NPL: variants seen among roughly 807,000 people sequenced by gnomAD.
The protein encoded by NPL is N-acetylneuraminate pyruvate lyase.
A neutral mutation model predicts 41.1 loss-of-function variants in NPL; 32 were observed. That is an observed-to-expected ratio of 0.78 (90% CI 0.59 to 1.05). The LOEUF (loss-of-function observed/expected upper bound fraction) is 1.05. NPL is among the 50% of genes least tolerant of loss of function. The pLI is 0.00. For missense variants in NPL, 321 were observed against 378.4 expected, an observed-to-expected ratio of 0.85 and a Z score of 1.26; for synonymous variants, 128 against 134.9, an observed-to-expected ratio of 0.95 and a Z score of 0.35.
Position 182,828,988 on chromosome 1 carries a change from G to C in NPL, c.*80G>C. The C allele has an allele frequency of 6.2e-7, 1 of 1,601,252 alleles. No homozygotes were observed. Among genetic ancestry groups the C allele is most frequent in the Non-Finnish European group, 8.5e-7 (1 of 1,178,282 alleles). ...TGCATTTTTTTCTCAGGGAATTTTAGATGAACTTGAATAAACTCTCCTAGC... is the reference window on the plus strand; with the variant it reads ...TGCATTTTTTTCTCAGGGAATTTTACATGAACTTGAATAAACTCTCCTAGC... On this transcript the variant is annotated 3_prime_UTR_variant, in exon 13 of 13. Transcript: ENST00000367553. The surrounding 1 kb of genome is among the most constrained non-coding windows in gnomAD (Gnocchi z 4.0).
In NPL at chr1:182,800,201, C is replaced by T. The variant is rs143710946; in HGVS notation, c.69-3497C>T. ...CTGTAATTCCAGCACTTTGGGAGGC[C>T]GAGGCAGGCAGATTGCTTGAGCCCA... On this transcript the variant is annotated intron_variant, in intron 3 of 12. Coordinates refer to ENST00000367553, the MANE Select transcript of NPL (RefSeq NM_030769.3). Among the ~76,000 whole-genome samples the T allele has an allele frequency of 4.5e-3, 689 of 151,854 alleles. 7 individuals carry two copies. Among genetic ancestry groups the T allele is most frequent in the African/African-American group, 0.016 (660 of 41,402 alleles).
chr1:182,794,182 A>G (rs970509079), intron 2 of NPL, among the ~76,000 whole-genome samples, 174 bp from the exon 3 acceptor site: 3 of 152,202 alleles, frequency 2.0e-5, no homozygotes, highest in African/African-American at 7.2e-5. Context: ...CCTGTCTTAA[A>G]GTTTCCTCCT....
chr1:182,805,760 C>T (rs190727940), intron 4 of NPL, among the ~76,000 whole-genome samples: 1 of 152,216 alleles, frequency 6.6e-6, no homozygotes, highest in East Asian at 1.9e-4. Flanking sequence ...CAAAAGCACC[C>T]GCATGAGTAA....
intron 12 of NPL, chr1:182,826,735 TA>T (rs1273490515): frequency 2.0e-5 from 3 of 152,236 alleles, no homozygotes; most frequent in Non-Finnish European, 4.4e-5. Context: ...ATTATGTTCC[TA>T]AAATACATTA....
In NPL at chr1:182,818,982, C is replaced by G. The variant is rs1332037787; in HGVS notation, c.653+123C>G. 3.4e-6 allele frequency: 3 copies of G among 884,072 alleles called. No individual in the cohort carries two copies. The East Asian group carries it at 7.4e-5, about 22-fold the overall frequency. 54.8% of individuals were successfully genotyped at this position (884,072 alleles called of 1,614,324 possible). A position where few individuals can be genotyped will look rare whatever the true frequency, so the allele number is the denominator to read the frequency against. On this transcript the variant is annotated intron_variant, in intron 10 of 12. Transcript: ENST00000367553. ...AGAAGTTTCCTTTCTTTTCCACATTCTTCCAGTGAAAGGGAATTAAATACT... is the reference window on the plus strand; with the variant it reads ...AGAAGTTTCCTTTCTTTTCCACATTGTTCCAGTGAAAGGGAATTAAATACT...
chr1:182,827,611 AATAT>A (rs1023821735), intron 12 of NPL, among the ~76,000 whole-genome samples: 9 of 152,016 alleles, frequency 5.9e-5, no homozygotes, highest in Admixed American at 2.0e-4. Flanking sequence ...GATTTCCCTA[AATAT>A]ATATATTTTT....
rs974017679 is a variant in NPL at position 182,829,068 on chromosome 1, T to C, written c.*160T>C. 6.2e-6 allele frequency: 9 copies of C among 1,453,866 alleles called. No homozygotes were observed. Among genetic ancestry groups the C allele is most frequent in the Non-Finnish European group, 8.1e-6 (9 of 1,110,954 alleles). The allele number at this position is 1,453,866 out of a possible 1,614,324, so 90.1% of individuals were successfully genotyped here. A position where few individuals can be genotyped will look rare whatever the true frequency, so the allele number is the denominator to read the frequency against. ...ACCTTTTGTGAGCCTTAAAAAGTCT[T>C]ATTTTGTGAAGGGGCAAAAACTCTA... On this transcript the variant is annotated 3_prime_UTR_variant, in exon 13 of 13. Transcript: ENST00000367553.
intron 4 of NPL, among the ~76,000 whole-genome samples, 188 bp from the exon 5 acceptor site, chr1:182,805,957 A>G (rs933343117): frequency 2.6e-5 from 4 of 152,238 alleles, no homozygotes; most frequent in African/African-American, 9.6e-5. Context: ...AGTCACAATT[A>G]ACCTTCCCAC....
intron 1 of NPL, among the ~76,000 whole-genome samples, chr1:182,790,612 T>TG (rs1491352457): frequency 1.9e-4 from 26 of 135,474 alleles, no homozygotes; most frequent in Non-Finnish European, 2.6e-4. Flanking sequence ...TGTTAAAGTC[T>TG]TTTGTTGTTG....
chr1:182,822,095 AT>A lies in NPL; in HGVS notation c.654-17del. On this transcript the variant is annotated intron_variant, in intron 10 of 12. Transcript: ENST00000367553. ...CCTGTTGAGTTATTGAACCTGCAGT[AT>A]TTGTTATTGTCTTGCCAGTACCTAT... The A allele has an allele frequency of 6.6e-7, 1 of 1,522,782 alleles. No individual in the cohort carries two copies. Among genetic ancestry groups the A allele is most frequent in the Non-Finnish European group, 9.1e-7 (1 of 1,096,860 alleles). The allele number at this position is 1,522,782 out of a possible 1,614,324, so 94.3% of individuals were successfully genotyped here.
In NPL at chr1:182,829,088, ACT is replaced by A. The variant is rs1667704364; in HGVS notation, c.*183_*184del. The A allele has an allele frequency of 8.4e-6, 12 of 1,424,910 alleles. No individual in the cohort carries two copies. The highest frequency in any genetic ancestry group is 1.1e-5 in the Non-Finnish European group (12 of 1,095,564). The allele number at this position is 1,424,910 out of a possible 1,614,324, so 88.3% of individuals were successfully genotyped here. A position where few individuals can be genotyped will look rare whatever the true frequency, so the allele number is the denominator to read the frequency against. On this transcript the variant is annotated 3_prime_UTR_variant, in exon 13 of 13. Transcript: ENST00000367553. ...AGTCTTATTTTGTGAAGGGGCAAAAACTCTAGGAGTCACAACTCTCAGTCATT... is the reference window on the plus strand; with the variant it reads ...AGTCTTATTTTGTGAAGGGGCAAAAACTAGGAGTCACAACTCTCAGTCATT...
Position 182,829,838 on chromosome 1 carries a change from A to T in NPL, c.*930A>T. 3.4e-6 allele frequency: 2 copies of T among 583,698 alleles called. No individual in the cohort carries two copies. The highest frequency in any genetic ancestry group is 5.7e-5 in the East Asian group (2 of 35,238). The allele number at this position is 583,698 out of a possible 1,614,324, so 36.2% of individuals were successfully genotyped here. A position where few individuals can be genotyped will look rare whatever the true frequency, so the allele number is the denominator to read the frequency against. On this transcript the variant is annotated 3_prime_UTR_variant, in exon 13 of 13. Transcript: ENST00000367553. ...TTGGGGAGGACCCAAAGGACTCAGA[A>T]CTTTCTCTCCATACCTCCTTTTACT...
At chr1:182,807,294 A>AT (rs1307823552) in intron 5 of NPL, among the ~76,000 whole-genome samples, 1 of 152,114 alleles carries the variant, frequency 6.6e-6, no homozygotes, top group East Asian at 1.9e-4. Context: ...TGATGAATGT[A>AT]TAAAAAAAAA....
At chr1:182,815,173 C>A (rs1177933006) in intron 7 of NPL, among the ~76,000 whole-genome samples, 1 of 151,882 alleles carries the variant, frequency 6.6e-6, no homozygotes, top group Non-Finnish European at 1.5e-5. Context: ...AGTCACATGG[C>A]AAAGCATGGG....
chr1:182,816,676 A>C (rs1443652792), intron 7 of NPL, 38 bp from the exon 8 acceptor site: 5 of 1,417,070 alleles, frequency 3.5e-6, no homozygotes, highest in Non-Finnish European at 5.0e-6. Context: ...ACTGTTTTAC[A>C]CCTGTTCACA....
At chr1:182,812,242 C>A (rs745941974) in intron 6 of NPL, 29 bp downstream of exon 6, 30 of 1,597,404 alleles carry the variant, frequency 1.9e-5, no homozygotes, top group Non-Finnish European at 2.5e-5. Context: ...CTGGGAGAGA[C>A]CATTCAAGGG....
intron 3 of NPL, among the ~76,000 whole-genome samples, chr1:182,797,840 T>C (rs1366595475): frequency 6.6e-6 from 1 of 152,256 alleles, no homozygotes; most frequent in Non-Finnish European, 1.5e-5. Context: ...CCCTGTTCAA[T>C]AGATATTGAA....
chr1:182,797,124 A>C (rs902690942), intron 3 of NPL, among the ~76,000 whole-genome samples: 1 of 152,002 alleles, frequency 6.6e-6, no homozygotes, highest in Admixed American at 6.6e-5. Context: ...AAGAGTCTGC[A>C]GTCCTCTCAT....
At chr1:182,823,953 T>C (rs1389485829) in intron 11 of NPL, among the ~76,000 whole-genome samples, 3 of 152,246 alleles carry the variant, frequency 2.0e-5, no homozygotes, top group African/African-American at 2.4e-5. Flanking sequence ...CACGTGTGAG[T>C]GAGTCTTATT....
Sources: gnomAD v4.1 joint callset for allele counts (sites outside exome capture counted in the v4.1 genomes callset) on GRCh38, gnomAD v4.1.1 for gene constraint, Gnocchi (gnomAD v3.1) non-coding constraint, MANE v1.5 for transcripts, NCBI Gene and HGNC (gene_info 2026-07-23, HGNC 2026-07-21) for gene names.